Variants in RASSF3 observed in about 807,000 individuals in gnomAD.
RASSF3 encodes the protein Ras association domain family member 3, also known as ras association domain-containing protein 3.
In RASSF3, 19 loss-of-function variants were observed where a neutral mutation model predicts 19.9. The observed-to-expected ratio is 0.96, with a 90% CI of 0.67 to 1.40. The LOEUF (loss-of-function observed/expected upper bound fraction) is 1.40. RASSF3 is among the 40% of genes most tolerant of loss of function. The probability of loss-of-function intolerance (pLI) is 0.00; values close to 1 mark genes in which losing one functional copy is unlikely to be tolerated. For missense variants in RASSF3, 306 were observed against 289.8 expected (o/e 1.06, Z -0.41); for synonymous variants, 110 against 104.2 (o/e 1.06, Z -0.34).
chr12:64,661,987 T>C (rs1415682050), intron 1 of RASSF3, among the ~76,000 whole-genome samples: 2 of 61,318 alleles, frequency 3.3e-5, no homozygotes, highest in Non-Finnish European at 7.1e-5. Context: ...AGCCCCCATC[T>C]CTTAAAAAAA....
intron 1 of RASSF3, among the ~76,000 whole-genome samples, chr12:64,677,476 T>C (rs1872950814): frequency 6.6e-6 from 1 of 152,178 alleles, no homozygotes; most frequent in Non-Finnish European, 1.5e-5. Flanking sequence ...GGGTGTGCTG[T>C]GTTGCCCAGG....
At chr12:64,595,376 A>G (rs1869984862) in intron 2 of RASSF3, among the ~76,000 whole-genome samples, 1 of 151,978 alleles carries the variant, frequency 6.6e-6, no homozygotes, top group African/African-American at 2.4e-5. Context: ...CTTCTTCATA[A>G]CAAATCTTAC....
chr12:64,578,218 G>A (rs555458748), intron 2 of RASSF3, among the ~76,000 whole-genome samples: 39 of 152,188 alleles, frequency 2.6e-4, no homozygotes, highest in Non-Finnish European at 3.5e-4. Flanking sequence ...GTGAGACTCC[G>A]TCACAAAGAA....
At chr12:64,543,957 A>G (rs1195851794), downstream of RASSF3, among the ~76,000 whole-genome samples, 1 of 152,048 alleles carries the variant, frequency 6.6e-6, no homozygotes, top group Non-Finnish European at 1.5e-5. Flanking sequence ...CTCAAAACGG[A>G]CCAATCAGCT....
chr12:64,577,873 GTCTCAA>G (rs764293893), intron 2 of RASSF3, among the ~76,000 whole-genome samples: 15 of 152,190 alleles, frequency 9.9e-5, no homozygotes, highest in Middle Eastern at 3.4e-3. Context: ...ATGCGAAGAT[GTCTCAA>G]TCATGGTTTC....
At chr12:64,662,405 A>AT (rs1490952382) in intron 1 of RASSF3, among the ~76,000 whole-genome samples, 1 of 152,150 alleles carries the variant, frequency 6.6e-6, no homozygotes, top group African/African-American at 2.4e-5. Context: ...TGGGTGACAG[A>AT]TTGAGACCCT....
At chr12:64,626,541 G>A (rs1466832157) in intron 1 of RASSF3, among the ~76,000 whole-genome samples, 2 of 151,002 alleles carry the variant, frequency 1.3e-5, no homozygotes, top group East Asian at 3.9e-4. Context: ...TATTTCTAAT[G>A]GTATTAGAAT....
chr12:64,670,296 A>G (rs933578892), intron 1 of RASSF3, among the ~76,000 whole-genome samples: 5 of 151,042 alleles, frequency 3.3e-5, no homozygotes, highest in East Asian at 1.9e-4. Context: ...GCTGAATTGC[A>G]TTGTGTTTAT....
At chr12:64,580,400 G>A (rs926434006) in intron 2 of RASSF3, among the ~76,000 whole-genome samples, 2 of 151,808 alleles carry the variant, frequency 1.3e-5, no homozygotes. Context: ...CCACAAACTC[G>A]GTGGCTTAAA....
At chr12:64,656,075 G>A (rs1415316971) in intron 1 of RASSF3, among the ~76,000 whole-genome samples, 2 of 151,046 alleles carry the variant, frequency 1.3e-5, no homozygotes, top group Non-Finnish European at 2.9e-5. Flanking sequence ...CCCCTAACTT[G>A]GATCTCAGGT....
In RASSF3 at chr12:64,610,733, C is replaced by G. The variant is rs1870320891; in HGVS notation, c.101C>G (p.Ser34Cys). The change falls in exon 1 of 5, where the codon TCC becomes TGC. Residue 34 changes from serine to cysteine, a missense_variant. Coordinates refer to ENST00000542104, the MANE Select transcript of RASSF3 (RefSeq NM_178169.4). ...FRRAPQGKPR[S>C]GQQDVEKEKE... ...AGAGCGCCCCAGGGCAAGCCCCGCT[C>G]CGGCCAACAAGTGAGTGGCGCGCGG... 3.8e-6 allele frequency: 6 copies of G among 1,588,044 alleles called. No individual in the cohort carries two copies. Among genetic ancestry groups the G allele is most frequent in the East Asian group, 4.8e-5 (2 of 41,484 alleles).
intron 2 of RASSF3, among the ~76,000 whole-genome samples, chr12:64,687,179 T>G (rs1873390332): frequency 6.6e-6 from 1 of 152,008 alleles, no homozygotes; most frequent in African/African-American, 2.4e-5. Flanking sequence ...TATTTTTATT[T>G]TTAGTAGAGA....
intron 2 of RASSF3, among the ~76,000 whole-genome samples, chr12:64,556,752 C>T (rs771309451): frequency 2.6e-5 from 4 of 151,888 alleles, no homozygotes; most frequent in African/African-American, 7.3e-5. Flanking sequence ...CTTCTCTTCC[C>T]GAGGGGAAAG....
intron 2 of RASSF3, among the ~76,000 whole-genome samples, chr12:64,594,591 A>G (rs951547199): frequency 2.0e-5 from 3 of 152,106 alleles, no homozygotes; most frequent in Admixed American, 2.0e-4. Context: ...TGCTATTTCC[A>G]ACATGCTGCT....
chr12:64,610,119 G>C (rs1165722555), upstream of RASSF3, among the ~76,000 whole-genome samples: 1 of 152,198 alleles, frequency 6.6e-6, no homozygotes, highest in Non-Finnish European at 1.5e-5. Context: ...AGTGGACGCA[G>C]AGAAAGTTCC....
intron 2 of RASSF3, among the ~76,000 whole-genome samples, chr12:64,570,570 C>T (rs1869501578): frequency 6.6e-6 from 1 of 152,128 alleles, no homozygotes; most frequent in Non-Finnish European, 1.5e-5. Flanking sequence ...TTTGTCAAGC[C>T]ACTGTGTGTG....
chr12:64,595,860 G>A (rs1869991917), intron 2 of RASSF3, among the ~76,000 whole-genome samples: 1 of 152,152 alleles, frequency 6.6e-6, no homozygotes, highest in East Asian at 1.9e-4. Context: ...TCTAGTCATC[G>A]AAACTAGAAT....
chr12:64,618,659 G>A (rs1870636883), intron 1 of RASSF3, among the ~76,000 whole-genome samples: 3 of 151,738 alleles, frequency 2.0e-5, no homozygotes, highest in Admixed American at 2.0e-4. Flanking sequence ...TTTAAATGGA[G>A]AGGGCCAGAT....
At chr12:64,542,993 GCTTGGCGGGGCCCCGCA>G (rs1352456032), downstream of RASSF3, among the ~76,000 whole-genome samples, 2,423 of 151,182 alleles carry the variant, frequency 0.016, 84 homozygotes, top group African/African-American at 0.056. Context: ...GTGGGCGTGG[GCTTGGCGGGGCCCCGCA>G]CTTGGAGTGG....
Sources: allele counts gnomAD v4.1 joint callset (sites outside exome capture counted in the v4.1 genomes callset), GRCh38; gene constraint gnomAD v4.1.1; transcripts MANE v1.5; gene names NCBI Gene and HGNC (gene_info 2026-07-23, HGNC 2026-07-21).